The following SLC25A11 variants were observed in gnomAD, a reference collection of about 807,000 sequenced individuals.
The protein encoded by SLC25A11 is mitochondrial 2-oxoglutarate/malate carrier protein.
A neutral mutation model predicts 32.7 loss-of-function variants in SLC25A11; 11 were observed. That is an observed-to-expected ratio of 0.34 (90% CI 0.21 to 0.56). The LOEUF (loss-of-function observed/expected upper bound fraction) is 0.56. Ranked by LOEUF, SLC25A11 falls within the 20% of genes least tolerant of loss-of-function variation. SLC25A11 has a pLI of 0.90. For synonymous variants in SLC25A11, 163 were observed against 168.3 expected (o/e 0.97, Z 0.24); for missense variants, 295 against 426.3 (o/e 0.69, Z 2.71).
chr17:4,939,632 C>T lies in SLC25A11; in HGVS notation c.95+184G>A, dbSNP rs1315044268. ...CGGCGGGGGTTGTGCAACGACCCTGCATGCAGTCCATAAGGGTCCTGCAAT... is the reference window on the plus strand; with the variant it reads ...CGGCGGGGGTTGTGCAACGACCCTGTATGCAGTCCATAAGGGTCCTGCAAT... On this transcript the variant is annotated intron_variant, in intron 1 of 7. Coordinates refer to ENST00000225665, the MANE Select transcript of SLC25A11 (RefSeq NM_003562.5). The surrounding 1 kb of genome is among the most constrained non-coding windows in gnomAD (Gnocchi z 4.1). The T allele has an allele frequency of 7.9e-6, 5 of 634,868 alleles. No individual in the cohort carries two copies. Among genetic ancestry groups the T allele is most frequent in the African/African-American group, 1.9e-5 (1 of 53,778 alleles). The allele number at this position is 634,868 out of a possible 1,614,324, so 39.3% of individuals were successfully genotyped here. A position where few individuals can be genotyped will look rare whatever the true frequency, so the allele number is the denominator to read the frequency against.
chr17:4,939,231 G>A lies in SLC25A11; in HGVS notation c.96-19C>T, dbSNP rs1159013851. On this transcript the variant is annotated intron_variant, in intron 1 of 7. Coordinates refer to ENST00000225665, the MANE Select transcript of SLC25A11 (RefSeq NM_003562.5). The surrounding 1 kb of genome is among the most constrained non-coding windows in gnomAD (Gnocchi z 4.1). Reference sequence around the variant, plus strand: ...TCCCATCCTGGGGGAAGACAGAGGTGGAGTGAAGGGCCAGGCATTCCAGAT... The same window carrying A: ...TCCCATCCTGGGGGAAGACAGAGGTAGAGTGAAGGGCCAGGCATTCCAGAT... The A allele has an allele frequency of 1.3e-6, 2 of 1,595,404 alleles. No individual in the cohort carries two copies. The highest frequency in any genetic ancestry group is 1.7e-5 in the Admixed American group (1 of 59,470).
rs771186014 is a variant in SLC25A11, at chr17:4,939,877, T to G, written c.34A>C (p.Ile12Leu). The G allele has an allele frequency of 2.5e-6, 4 of 1,611,328 alleles. No individual in the cohort carries two copies. Among genetic ancestry groups the G allele is most frequent in the Admixed American group, 1.7e-5 (1 of 59,922 alleles). The change falls in exon 1 of 8, where the codon ATA becomes CTA. Residue 12 changes from isoleucine to leucine, a missense_variant. Physicochemically the swap from Ile to Leu is conservative, Grantham distance 5. Around this residue, in one of 3 missense-constraint regions of SLC25A11, gnomAD observed 104 missense variants for 121.5 expected, o/e 0.86. Coordinates refer to ENST00000225665, the MANE Select transcript of SLC25A11 (RefSeq NM_003562.5). The surrounding 1 kb of genome is among the most constrained non-coding windows in gnomAD (Gnocchi z 4.1). The part of the protein sequence containing the change: ...AATASAGAGG[I>L]DGKPRTSPKS... The stretch of plus-strand genomic sequence containing the variant: ...GGGGAGGTACGGGGCTTCCCGTCTA[T>G]CCCGCCGGCCCCGGCACTCGCCGTC...
rs1162235795 is a variant in SLC25A11 at position 4,939,187 on chromosome 17, G to A, written c.121C>T (p.Pro41Ser). 6.2e-7 allele frequency: 1 copy of A among 1,609,616 alleles called. No individual in the cohort carries two copies. The highest frequency in any genetic ancestry group is 1.7e-5 in the Admixed American group (1 of 59,918). Residue 41 changes from proline (P) to serine (S), a missense_variant, in exon 2 of 8, where the codon CCC (proline) becomes TCC (serine). Transcript: ENST00000225665. The surrounding 1 kb of genome is among the most constrained non-coding windows in gnomAD (Gnocchi z 4.1). Reference sequence around the variant, plus strand: ...ATCCGGTTCTTCACCAGGTCCAGGGGCTGGACAAAAACTGTAGCTCCCATC... The same window carrying A: ...ATCCGGTTCTTCACCAGGTCCAGGGACTGGACAAAAACTGTAGCTCCCATC... ...AGMGATVFVQPLDLVKNRMQL... is the reference protein window; with the variant it reads ...AGMGATVFVQSLDLVKNRMQL...
Position 4,939,765 on chromosome 17 carries a change from CT to C in SLC25A11, c.95+50del. 1.4e-6 allele frequency: 2 copies of C among 1,475,946 alleles called. No homozygotes were observed. Among genetic ancestry groups the C allele is most frequent in the South Asian group, 1.2e-5 (1 of 86,572 alleles). 91.4% of individuals were successfully genotyped at this position (1,475,946 alleles called of 1,614,324 possible). On this transcript the variant is annotated intron_variant, in intron 1 of 7. Coordinates refer to ENST00000225665, the MANE Select transcript of SLC25A11 (RefSeq NM_003562.5). The surrounding 1 kb of genome is among the most constrained non-coding windows in gnomAD (Gnocchi z 4.1). The stretch of plus-strand genomic sequence containing the variant: ...CCCAGAGATGAACCGGGCCCGGTTC[CT>C]TTTGCCCTTCCCTTCCTCCTCTTTT...
chr17:4,938,311 G>T lies in SLC25A11; in HGVS notation c.637+28C>A, dbSNP rs1970481425. 6.2e-7 allele frequency: 1 copy of T among 1,613,700 alleles called. No homozygotes were observed. Among genetic ancestry groups the T allele is most frequent in the Non-Finnish European group, 8.5e-7 (1 of 1,179,802 alleles). On this transcript the variant is annotated intron_variant, in intron 5 of 7. Transcript: ENST00000225665. The surrounding 1 kb of genome is among the most constrained non-coding windows in gnomAD (Gnocchi z 7.6). ...TCAGAGGTGGCTCAGGCCAGGCTGG[G>T]AACTAAGGGCCCAGCTCTGGATCTC...
chr17:4,938,911 G>C lies in SLC25A11; in HGVS notation c.313C>G (p.Leu105Val), dbSNP rs1461133779. The C allele has an allele frequency of 6.2e-7, 1 of 1,614,044 alleles. No homozygotes were observed. The highest frequency in any genetic ancestry group is 8.5e-7 in the Non-Finnish European group (1 of 1,180,034). ...TTTRLGIYTV[L>V]FERLTGADGT... ...TCAGCCCCAGTCAGGCGCTCAAACA[G>C]CACGGTATAGATGCCAAGGCGGGTA... is the stretch of plus-strand genomic sequence containing the variant. The change falls in exon 3 of 8, where the codon CTG (leucine) becomes GTG (valine). Residue 105 changes from leucine (L) to valine (V), a missense_variant. This residue lies in a region of SLC25A11 where 49 missense variants were observed against 106.9 expected (regional missense o/e 0.46). Coordinates refer to ENST00000225665, the MANE Select transcript of SLC25A11 (RefSeq NM_003562.5). The surrounding 1 kb of genome is among the most constrained non-coding windows in gnomAD (Gnocchi z 7.6).
chr17:4,938,960 C>A lies in SLC25A11; in HGVS notation c.264G>T (p.Leu88=), dbSNP rs749058141. 1 of 1,614,018 alleles carries A rather than the reference C, an allele frequency of 6.2e-7. No homozygotes were observed. The highest frequency in any genetic ancestry group is 8.5e-7 in the Non-Finnish European group (1 of 1,180,018). ...RGIYTGLSAG[L]LRQATYTTTR... ...TAGTGGTGTAGGTGGCCTGACGCAGCAGGCCAGCCGACAGCCTGAGGAGCA... is the reference window on the plus strand; with the variant it reads ...TAGTGGTGTAGGTGGCCTGACGCAGAAGGCCAGCCGACAGCCTGAGGAGCA... Residue 88 remains leucine (L), a synonymous_variant, in exon 3 of 8, where the codon CTG becomes CTT. Transcript: ENST00000225665. This position sits in a 1 kb window ranked among gnomAD's most constrained non-coding sequence, Gnocchi z 7.6.
rs1970615981 is a variant in SLC25A11, at chr17:4,939,983, GCGCAACAGAGCGAGGGCGCGCGCA to G, written c.-97_-74del. The G allele has an allele frequency of 1.8e-6, 2 of 1,111,470 alleles. No homozygotes were observed. The highest frequency in any genetic ancestry group is 7.4e-5 in the Admixed American group (2 of 27,096). The allele number at this position is 1,111,470 out of a possible 1,614,324, so 68.9% of individuals were successfully genotyped here. ...GCTCGCGCCCAAGGTGACACCGCGC[GCGCAACAGAGCGAGGGCGCGCGCA>G]CGCCCCTCCAGCTCTCAGGTCCGAC... On this transcript the variant is annotated 5_prime_UTR_variant, in exon 1 of 8. Coordinates refer to ENST00000225665, the MANE Select transcript of SLC25A11 (RefSeq NM_003562.5). The surrounding 1 kb of genome is among the most constrained non-coding windows in gnomAD (Gnocchi z 4.1).
chr17:4,939,953 G>T lies in SLC25A11; in HGVS notation c.-43C>A. On this transcript the variant is annotated 5_prime_UTR_variant, in exon 1 of 8. Coordinates refer to ENST00000225665, the MANE Select transcript of SLC25A11 (RefSeq NM_003562.5). This position sits in a 1 kb window ranked among gnomAD's most constrained non-coding sequence, Gnocchi z 4.1. ...CGGCTCCGGGTCCCGTGCGCGCGCG[G>T]CCCCGCTCGCGCCCAAGGTGACACC... The T allele has an allele frequency of 6.6e-7, 1 of 1,505,738 alleles. No homozygotes were observed. The highest frequency in any genetic ancestry group is 1.2e-5 in the South Asian group (1 of 83,742). The allele number at this position is 1,505,738 out of a possible 1,614,324, so 93.3% of individuals were successfully genotyped here.
In SLC25A11 at chr17:4,938,750, G is replaced by A. The variant is rs1347021929; in HGVS notation, c.455+19C>T. ...TTCGAGGGAATGGGGCTGGGGTTAGGTTCAGACTTGGAACTCACCGGCCAT... is the reference window on the plus strand; with the variant it reads ...TTCGAGGGAATGGGGCTGGGGTTAGATTCAGACTTGGAACTCACCGGCCAT... On this transcript the variant is annotated intron_variant, in intron 3 of 7. Transcript: ENST00000225665. This position sits in a 1 kb window ranked among gnomAD's most constrained non-coding sequence, Gnocchi z 7.6. The A allele has an allele frequency of 1.2e-6, 2 of 1,604,056 alleles. No individual in the cohort carries two copies. The highest frequency in any genetic ancestry group is 1.3e-5 in the African/African-American group (1 of 74,876).
In SLC25A11 at chr17:4,939,800, TG is replaced by T; in HGVS notation, c.95+15del. On this transcript the variant is annotated intron_variant, in intron 1 of 7. Coordinates refer to ENST00000225665, the MANE Select transcript of SLC25A11 (RefSeq NM_003562.5). This position sits in a 1 kb window ranked among gnomAD's most constrained non-coding sequence, Gnocchi z 4.1. Reference sequence around the variant, plus strand: ...TCCCTTCCTCCTCTTTTCCCATCCCTGGGGCCTGAGCTTACCCGGCCAGGCC... The same window carrying T: ...TCCCTTCCTCCTCTTTTCCCATCCCTGGGCCTGAGCTTACCCGGCCAGGCC... 1 of 1,603,708 alleles carries T rather than the reference TG, an allele frequency of 6.2e-7. No individual in the cohort carries two copies. Among genetic ancestry groups the T allele is most frequent in the Non-Finnish European group, 8.5e-7 (1 of 1,172,556 alleles).
chr17:4,939,408 G>C lies in SLC25A11; in HGVS notation c.96-196C>G. 1 of 635,674 alleles carries C rather than the reference G, an allele frequency of 1.6e-6. No homozygotes were observed. The highest frequency in any genetic ancestry group is 2.7e-6 in the Non-Finnish European group (1 of 372,022). The allele number at this position is 635,674 out of a possible 1,614,324, so 39.4% of individuals were successfully genotyped here. A position where few individuals can be genotyped will look rare whatever the true frequency, so the allele number is the denominator to read the frequency against. On this transcript the variant is annotated intron_variant, in intron 1 of 7. Coordinates refer to ENST00000225665, the MANE Select transcript of SLC25A11 (RefSeq NM_003562.5). This position sits in a 1 kb window ranked among gnomAD's most constrained non-coding sequence, Gnocchi z 4.1. Reference sequence around the variant, plus strand: ...CTGAAAAGTCTAGTTGTCCAGTAGGGGCCATGCAATGAAAGTGCTCCAAGC... The same window carrying C: ...CTGAAAAGTCTAGTTGTCCAGTAGGCGCCATGCAATGAAAGTGCTCCAAGC...
Position 4,938,001 on chromosome 17 carries a change from GC to G in SLC25A11, c.789+21del. On this transcript the variant is annotated intron_variant, in intron 7 of 7. Transcript: ENST00000225665. This position sits in a 1 kb window ranked among gnomAD's most constrained non-coding sequence, Gnocchi z 7.6. Reference sequence around the variant, plus strand: ...CAGGGGATCCGACACCCCCTCCCAGGCCCCCAGAATGGCTTCCTCACCAGCC... The same window carrying G: ...CAGGGGATCCGACACCCCCTCCCAGGCCCCAGAATGGCTTCCTCACCAGCC... The G allele has an allele frequency of 6.2e-7, 1 of 1,614,030 alleles. No individual in the cohort carries two copies. Among genetic ancestry groups the G allele is most frequent in the Non-Finnish European group, 8.5e-7 (1 of 1,179,938 alleles).
chr17:4,938,621 G>A lies in SLC25A11; in HGVS notation c.456-19C>T. ...TGGAAGCCTGGTGGGAAGGCAGAAAGAGGTCAAGATCAGGATTGCCCACAG... is the reference window on the plus strand; with the variant it reads ...TGGAAGCCTGGTGGGAAGGCAGAAAAAGGTCAAGATCAGGATTGCCCACAG... On this transcript the variant is annotated intron_variant, in intron 3 of 7. Transcript: ENST00000225665. The surrounding 1 kb of genome is among the most constrained non-coding windows in gnomAD (Gnocchi z 7.6). The A allele has an allele frequency of 6.2e-7, 1 of 1,612,810 alleles. No individual in the cohort carries two copies. Among genetic ancestry groups the A allele is most frequent in the East Asian group, 2.2e-5 (1 of 44,870 alleles).
At position 4,939,608 on chromosome 17, in the gene SLC25A11, G is replaced by A. The variant is rs1372786486; in HGVS notation, c.95+208C>T. The A allele has an allele frequency of 3.3e-6, 2 of 599,344 alleles. No homozygotes were observed. The highest frequency in any genetic ancestry group is 1.9e-5 in the African/African-American group (1 of 53,358). The allele number at this position is 599,344 out of a possible 1,614,324, so 37.1% of individuals were successfully genotyped here. A position where few individuals can be genotyped will look rare whatever the true frequency, so the allele number is the denominator to read the frequency against. ...ATGCGCTGGGAAACTCAGCTGGCCC[G>A]GCGGGGGTTGTGCAACGACCCTGCA... is the stretch of plus-strand genomic sequence containing the variant. On this transcript the variant is annotated intron_variant, in intron 1 of 7. Coordinates refer to ENST00000225665, the MANE Select transcript of SLC25A11 (RefSeq NM_003562.5). The surrounding 1 kb of genome is among the most constrained non-coding windows in gnomAD (Gnocchi z 4.1).
At position 4,938,042 on chromosome 17, in the gene SLC25A11, G is replaced by C; in HGVS notation, c.770C>G (p.Pro257Arg). The C allele has an allele frequency of 6.2e-7, 1 of 1,614,116 alleles. No homozygotes were observed. Among genetic ancestry groups the C allele is most frequent in the African/African-American group, 1.3e-5 (1 of 75,030 alleles). The change falls in exon 7 of 8, where the codon CCG becomes CGG. Residue 257 changes from proline to arginine, a missense_variant. By Grantham distance (103) the Pro-to-Arg change is moderately radical. Around this residue, in one of 3 missense-constraint regions of SLC25A11, gnomAD observed 142 missense variants for 197.8 expected, o/e 0.72. Coordinates refer to ENST00000225665, the MANE Select transcript of SLC25A11 (RefSeq NM_003562.5). The surrounding 1 kb of genome is among the most constrained non-coding windows in gnomAD (Gnocchi z 7.6). Reference sequence around the variant, plus strand: ...CCTCACCAGCCCGTTCTTGTATTCCGGCTTCCCATCAATCATCCGCATGTT... The same window carrying C: ...CCTCACCAGCCCGTTCTTGTATTCCCGCTTCCCATCAATCATCCGCATGTT... ...IQNMRMIDGK[P>R]EYKNGLDVLF...
In SLC25A11 at chr17:4,937,522, TC is replaced by T; in HGVS notation, c.*218del. Reference sequence around the variant, plus strand: ...GGAGGCCAGAAATCCTCAGAAGTTTTCCAGCTCCCTGCAAGAATAGCCAAGG... The same window carrying T: ...GGAGGCCAGAAATCCTCAGAAGTTTTCAGCTCCCTGCAAGAATAGCCAAGG... On this transcript the variant is annotated 3_prime_UTR_variant, in exon 8 of 8. Transcript: ENST00000225665. 2.1e-6 allele frequency: 1 copy of T among 475,878 alleles called. No homozygotes were observed. 29.5% of individuals were successfully genotyped at this position (475,878 alleles called of 1,614,324 possible).
chr17:4,938,231 C>A lies in SLC25A11; in HGVS notation c.660G>T (p.Leu220Phe). 3 of 1,613,854 alleles carry A rather than the reference C, an allele frequency of 1.9e-6. No homozygotes were observed. The highest frequency in any genetic ancestry group is 2.5e-6 in the Non-Finnish European group (3 of 1,179,856). The change falls in exon 6 of 8, where the codon TTG (leucine) becomes TTT (phenylalanine). Residue 220 changes from leucine to phenylalanine, a missense_variant. Around this residue, in one of 3 missense-constraint regions of SLC25A11, gnomAD observed 142 missense variants for 197.8 expected, o/e 0.72. Coordinates refer to ENST00000225665, the MANE Select transcript of SLC25A11 (RefSeq NM_003562.5). The surrounding 1 kb of genome is among the most constrained non-coding windows in gnomAD (Gnocchi z 7.6). ...LDSGYFSDNILCHFCASMISG... is the reference protein window; with the variant it reads ...LDSGYFSDNIFCHFCASMISG... Reference sequence around the variant, plus strand: ...TGATCATGCTGGCACAGAAGTGGCACAAGATGTTGTCAGAGAAGTAGCCTG... The same window carrying A: ...TGATCATGCTGGCACAGAAGTGGCAAAAGATGTTGTCAGAGAAGTAGCCTG...
Position 4,937,483 on chromosome 17 carries a change from A to G in SLC25A11, c.*258T>C, listed in dbSNP as rs1970450800. 1 of 366,342 alleles carries G rather than the reference A, an allele frequency of 2.7e-6. No homozygotes were observed. The highest frequency in any genetic ancestry group is 4.6e-5 in the Admixed American group (1 of 21,534). 22.7% of individuals were successfully genotyped at this position (366,342 alleles called of 1,614,324 possible). A position where few individuals can be genotyped will look rare whatever the true frequency, so the allele number is the denominator to read the frequency against. ...CTTCTGCTGTCCTGTGTGCCCTGAA[A>G]CTAAAACCCAGGGGGAGGCCAGAAA... On this transcript the variant is annotated 3_prime_UTR_variant, in exon 8 of 8. Transcript: ENST00000225665.
Sources: allele counts gnomAD v4.1 joint callset, GRCh38; gene constraint gnomAD v4.1.1; regional missense constraint gnomAD v4.1.1; non-coding constraint Gnocchi (gnomAD v3.1); transcripts MANE v1.5; gene names NCBI Gene and HGNC (gene_info 2026-07-23, HGNC 2026-07-21).